The following RBFOX1 variants were observed in gnomAD, a reference collection of about 807,000 sequenced individuals.
RBFOX1 encodes RNA binding protein fox-1 homolog 1.
Under a neutral mutation model 57.7 loss-of-function variants are expected in RBFOX1, and 8 were observed. That is an observed-to-expected ratio of 0.14 (90% confidence interval 0.08 to 0.25). RBFOX1 has a LOEUF of 0.25. Ranked by LOEUF, RBFOX1 falls within the 10% of genes least tolerant of loss-of-function variation. The pLI, the probability that RBFOX1 is intolerant of heterozygous loss-of-function variation, is 1.00. For missense variants in RBFOX1, 611 were observed against 548.5 expected, an observed-to-expected ratio of 1.11 and a Z score of -1.14; for synonymous variants, 326 against 222.4, an observed-to-expected ratio of 1.47 and a Z score of -4.15.
At chr16:6,702,054 T>A (rs922244351) in intron 3 of RBFOX1, among the ~76,000 whole-genome samples, 1 of 152,080 alleles carries the variant, frequency 6.6e-6, no homozygotes, top group African/African-American at 2.4e-5. Flanking sequence ...ACATACAATT[T>A]ACCTGTATAA....
At chr16:7,500,251 C>G (rs974399416) in intron 4 of RBFOX1, among the ~76,000 whole-genome samples, 27 of 152,130 alleles carry the variant, frequency 1.8e-4, no homozygotes, top group African/African-American at 6.0e-4. Context: ...AGTTACTGAT[C>G]TTGGCTCTTC....
At chr16:6,963,477 C>G (rs768721467) in intron 3 of RBFOX1, among the ~76,000 whole-genome samples, 1 of 152,174 alleles carries the variant, frequency 6.6e-6, no homozygotes, top group Non-Finnish European at 1.5e-5. Context: ...AACCACTGGT[C>G]AGTAATGAGA....
intron 4 of RBFOX1, among the ~76,000 whole-genome samples, chr16:7,204,905 C>T (rs773384028): frequency 1.3e-5 from 2 of 152,178 alleles, no homozygotes; most frequent in Non-Finnish European, 2.9e-5. Flanking sequence ...ATTCATCTTT[C>T]TATGTCTCTT....
At chr16:6,746,832 A>G (rs893341077) in intron 3 of RBFOX1, among the ~76,000 whole-genome samples, 2 of 152,174 alleles carry the variant, frequency 1.3e-5, no homozygotes, top group Admixed American at 1.3e-4. Context: ...CTGTTATAGG[A>G]ATGTGAGATT....
chr16:6,679,121 G>C (rs4786908), intron 3 of RBFOX1, among the ~76,000 whole-genome samples: 149,337 of 152,232 alleles, frequency 0.98, 73,305 homozygotes, highest in Middle Eastern at 1. Context: ...GACAAAATAT[G>C]CAGCCAGAAT....
chr16:5,241,182 G>T (rs1355945703), intron 1 of RBFOX1, among the ~76,000 whole-genome samples: 1 of 152,148 alleles, frequency 6.6e-6, no homozygotes, highest in Non-Finnish European at 1.5e-5. Context: ...TCTTGGGGTT[G>T]CTCCCGGATG....
chr16:5,742,416 A>G (rs190946044), intron 3 of RBFOX1, among the ~76,000 whole-genome samples: 1 of 151,468 alleles, frequency 6.6e-6, no homozygotes, highest in Non-Finnish European at 1.5e-5. Context: ...AACTTTTGTG[A>G]GCCCAGTGCT....
rs2093471139 is a variant in RBFOX1 at position 6,411,977 on chromosome 16, C to G, written c.-64+94920C>G. On this transcript the variant is annotated intron_variant, in intron 2 of 15. Coordinates refer to ENST00000550418, the MANE Select transcript of RBFOX1 (RefSeq NM_018723.4). ...TGAAACCCTGTCTCTACTAAAAATA[C>G]AAAAATTAGCTGGGTGTAGTGGCAG... 4.0e-5 allele frequency among the ~76,000 whole-genome samples: 6 copies of G among 151,802 alleles called. No individual in the cohort carries two copies. In the South Asian group the frequency reaches 1.2e-3, roughly 32 times the overall value.
chr16:7,321,319 T>C (rs1256615291), intron 4 of RBFOX1, among the ~76,000 whole-genome samples: 1 of 151,966 alleles, frequency 6.6e-6, no homozygotes, highest in Non-Finnish European at 1.5e-5. Context: ...TAATTTTTTG[T>C]GTTTTTTATA....
chr16:7,299,342 T>C (rs2095974890), intron 4 of RBFOX1, among the ~76,000 whole-genome samples: 1 of 152,200 alleles, frequency 6.6e-6, no homozygotes, highest in South Asian at 2.1e-4. Context: ...GGGAGCGAGT[T>C]GTGAACTGGG....
chr16:6,377,985 C>T (rs77734453), intron 2 of RBFOX1, among the ~76,000 whole-genome samples: 206 of 152,310 alleles, frequency 1.4e-3, no homozygotes, highest in African/African-American at 4.5e-3. Context: ...GGTGCTTCAT[C>T]GTCCTTTAAA....
At chr16:5,318,276 T>G (rs2064298127) in intron 1 of RBFOX1, among the ~76,000 whole-genome samples, 2 of 152,048 alleles carry the variant, frequency 1.3e-5, no homozygotes, top group Admixed American at 1.3e-4. Context: ...TTACAGGCAT[T>G]CACCACCACA....
intron 3 of RBFOX1, among the ~76,000 whole-genome samples, chr16:5,658,758 ATGTG>A (rs1332464635): frequency 6.1e-4 from 75 of 122,476 alleles, no homozygotes; most frequent in African/African-American, 2.0e-3. Context: ...ATATATATAT[ATGTG>A]TATGTATATA....
intron 2 of RBFOX1, among the ~76,000 whole-genome samples, chr16:6,390,121 T>C (rs1187229145): frequency 2.0e-5 from 3 of 152,254 alleles, no homozygotes; most frequent in Non-Finnish European, 4.4e-5. Context: ...TCTAAGTGGA[T>C]GCTAATCCGT....
At chr16:7,171,475 A>G (rs1389601467) in intron 4 of RBFOX1, among the ~76,000 whole-genome samples, 8 of 152,206 alleles carry the variant, frequency 5.3e-5, no homozygotes, top group Non-Finnish European at 1.0e-4. Flanking sequence ...AGATTGCAGG[A>G]TTATAGAAAG....
intron 1 of RBFOX1, among the ~76,000 whole-genome samples, chr16:6,225,896 C>T (rs2097413486): frequency 6.6e-6 from 1 of 152,186 alleles, no homozygotes; most frequent in African/African-American, 2.4e-5. Context: ...TACAGAAACA[C>T]TGAAGCCGTG....
At chr16:7,498,695 T>C (rs1358090092) in intron 4 of RBFOX1, among the ~76,000 whole-genome samples, 1 of 152,158 alleles carries the variant, frequency 6.6e-6, no homozygotes, top group Non-Finnish European at 1.5e-5. Flanking sequence ...GTACGCGTCA[T>C]TTCAGACCAG....
At chr16:5,365,455 G>GC (rs1226773561) in intron 1 of RBFOX1, among the ~76,000 whole-genome samples, 3 of 152,132 alleles carry the variant, frequency 2.0e-5, no homozygotes, top group Non-Finnish European at 2.9e-5. Context: ...AACACATGAG[G>GC]CCAGGAGTTT....
chr16:7,167,025 G>A (rs55732172), intron 4 of RBFOX1, among the ~76,000 whole-genome samples: 4 of 76,482 alleles, frequency 5.2e-5, no homozygotes, highest in East Asian at 3.7e-4. Flanking sequence ...TCTTTCTGTC[G>A]CCCAGGTTGG....
Sources: allele counts gnomAD v4.1 joint callset (sites outside exome capture counted in the v4.1 genomes callset), GRCh38; gene constraint gnomAD v4.1.1; transcripts MANE v1.5; gene names NCBI Gene and HGNC (gene_info 2026-07-23, HGNC 2026-07-21).